Variants in CHAF1B observed in about 807,000 individuals in gnomAD.
CHAF1B encodes the protein chromatin assembly factor 1 subunit B.
Under a neutral mutation model 60.7 loss-of-function variants are expected in CHAF1B, and 10 were observed. The ratio of observed to expected loss-of-function variants is 0.16; its 90% CI spans 0.10 to 0.28. The LOEUF is 0.28. Ranked by LOEUF, CHAF1B falls within the 10% of genes least tolerant of loss-of-function variation. The pLI, the probability that CHAF1B is intolerant of heterozygous loss-of-function variation, is 1.00. For synonymous variants in CHAF1B, 261 were observed against 266.1 expected (o/e 0.98, Z 0.19); for missense variants, 558 against 708.4 (o/e 0.79, Z 2.41).
At position 36,397,483 on chromosome 21, in the gene CHAF1B, C is replaced by A; in HGVS notation, c.550C>A (p.Gln184Lys). The A allele has an allele frequency of 6.4e-7, 1 of 1,558,044 alleles. No homozygotes were observed. Among genetic ancestry groups the A allele is most frequent in the Non-Finnish European group, 8.8e-7 (1 of 1,141,432 alleles). Residue 184 changes from glutamine (Q) to lysine (K), a missense_variant, in exon 6 of 14, where the codon CAA (glutamine) becomes AAA (lysine). By Grantham distance (53) the Gln-to-Lys change is moderately conservative (BLOSUM62 1). Transcript: ENST00000314103. ...VQGVTWDPLG[Q>K]YVATLSCDRV... Reference sequence around the variant, plus strand: ...AGGAGTAACCTGGGACCCTTTGGGTCAATATGTTGCTACTCTGAGCTGTGA... The same window carrying A: ...AGGAGTAACCTGGGACCCTTTGGGTAAATATGTTGCTACTCTGAGCTGTGA...
At position 36,416,917 on chromosome 21, in the gene CHAF1B, T is replaced by A. The variant is rs959361245; in HGVS notation, c.*551T>A. Reference sequence around the variant, plus strand: ...AAAAGATGGGTATCACCCATCATCTTCCCACCAGAAGTAACCCTCGTTAAT... The same window carrying A: ...AAAAGATGGGTATCACCCATCATCTACCCACCAGAAGTAACCCTCGTTAAT... On this transcript the variant is annotated 3_prime_UTR_variant, in exon 14 of 14. Coordinates refer to ENST00000314103, the MANE Select transcript of CHAF1B (RefSeq NM_005441.3). 6.6e-6 allele frequency: 1 copy of A among 152,200 alleles called. No individual in the cohort carries two copies. 9.4% of individuals were successfully genotyped at this position (152,200 alleles called of 1,614,324 possible). A position where few individuals can be genotyped will look rare whatever the true frequency, so the allele number is the denominator to read the frequency against.
intron 5 of CHAF1B, among the ~76,000 whole-genome samples, chr21:36,395,376 AAAAATT>A (rs1425360254): frequency 2.6e-5 from 4 of 152,320 alleles, no homozygotes; most frequent in Non-Finnish European, 5.9e-5. Flanking sequence ...AAGCAACACA[AAAAATT>A]GTTTTAGTGA....
intron 8 of CHAF1B, among the ~76,000 whole-genome samples, chr21:36,403,455 T>TAAAAAAAAA (rs71326686): frequency 1.3e-5 from 1 of 77,452 alleles, no homozygotes; most frequent in Non-Finnish European, 2.6e-5. Flanking sequence ...ATATCTTATC[T>TAAAAAAAAA]AAAAAAAAAA....
rs75728133 is a variant in CHAF1B at position 36,386,914 on chromosome 21, A to G, written c.126+652A>G. ...TTTTTAGTAGAGATGGGGTTTTACCATGTTGGCCAGGCTGGTCTCAAACTC... is the reference window on the plus strand; with the variant it reads ...TTTTTAGTAGAGATGGGGTTTTACCGTGTTGGCCAGGCTGGTCTCAAACTC... On this transcript the variant is annotated intron_variant, in intron 2 of 13. Transcript: ENST00000314103. Among the ~76,000 whole-genome samples, 12 of 152,214 alleles carry G rather than the reference A, an allele frequency of 7.9e-5. No homozygotes were observed. The South Asian group carries it at 1.2e-3, about 16-fold the overall frequency.
In CHAF1B at chr21:36,417,545, G is replaced by C. The variant is rs1263500851; in HGVS notation, c.*1179G>C. 6.6e-6 allele frequency: 1 copy of C among 152,122 alleles called. No homozygotes were observed. The highest frequency in any genetic ancestry group is 6.6e-5 in the Admixed American group (1 of 15,250). 9.4% of individuals were successfully genotyped at this position (152,122 alleles called of 1,614,324 possible). A position where few individuals can be genotyped will look rare whatever the true frequency, so the allele number is the denominator to read the frequency against. ...GGGTTTTGCCATGTTGGCCAAGCTGGTCTCTAACTCCTGACCTCAGATGAT... is the reference window on the plus strand; with the variant it reads ...GGGTTTTGCCATGTTGGCCAAGCTGCTCTCTAACTCCTGACCTCAGATGAT... On this transcript the variant is annotated 3_prime_UTR_variant, in exon 14 of 14. Transcript: ENST00000314103.
chr21:36,402,209 G>T (rs2086196751), intron 7 of CHAF1B, among the ~76,000 whole-genome samples: 1 of 152,182 alleles, frequency 6.6e-6, no homozygotes, highest in African/African-American at 2.4e-5. Context: ...GTCCCAGGAG[G>T]CTGAGACGGG....
intron 8 of CHAF1B, among the ~76,000 whole-genome samples, chr21:36,403,344 C>A (rs2086207466): frequency 6.6e-6 from 1 of 150,830 alleles, no homozygotes; most frequent in Non-Finnish European, 1.5e-5. Flanking sequence ...GTAATCCCAG[C>A]CACTTGGGAG....
intron 10 of CHAF1B, among the ~76,000 whole-genome samples, chr21:36,409,917 G>A (rs1174154188): frequency 6.7e-6 from 1 of 150,104 alleles, no homozygotes; most frequent in Non-Finnish European, 1.5e-5. Flanking sequence ...TAAAAGGAAT[G>A]GACGTACTCC....
Position 36,401,346 on chromosome 21 carries a change from A to G in CHAF1B, c.664-1412A>G, listed in dbSNP as rs868333209. ...CTTTAATATGTTATATATTTATATT[A>G]TATATAATATATTTTTATATTATAC... On this transcript the variant is annotated intron_variant, in intron 7 of 13. Transcript: ENST00000314103. 5.6e-5 allele frequency among the ~76,000 whole-genome samples: 8 copies of G among 141,952 alleles called. No homozygotes were observed. In the South Asian group the frequency reaches 1.3e-3, roughly 23 times the overall value. 93.1% of individuals were successfully genotyped at this position (141,952 alleles called of 152,430 possible). A position where few individuals can be genotyped will look rare whatever the true frequency, so the allele number is the denominator to read the frequency against.
chr21:36,408,764 G>C lies in CHAF1B; in HGVS notation c.761G>C (p.Gly254Ala). The change falls in exon 9 of 14, where the codon GGA becomes GCA. Residue 254 changes from glycine (G) to alanine (A), a missense_variant. This residue lies in a region of CHAF1B where 325 missense variants were observed against 493.5 expected (regional missense o/e 0.66). Transcript: ENST00000314103. ...CCCTCCCTTCCCTGTTCCCCAGCTG[G>C]ATGTGTGGAATCTGGTGAAAATGTA... is the stretch of plus-strand genomic sequence containing the variant. ...PDGSLLLTPA[G>A]CVESGENVMN... The C allele has an allele frequency of 6.2e-7, 1 of 1,606,392 alleles. No homozygotes were observed. Among genetic ancestry groups the C allele is most frequent in the African/African-American group, 1.3e-5 (1 of 74,886 alleles).
rs2086324493 is a variant in CHAF1B at position 36,416,962 on chromosome 21, G to C, written c.*596G>C. On this transcript the variant is annotated 3_prime_UTR_variant, in exon 14 of 14. Coordinates refer to ENST00000314103, the MANE Select transcript of CHAF1B (RefSeq NM_005441.3). The stretch of plus-strand genomic sequence containing the variant: ...GTTAATGTTGTAGTATATTTCCTTA[G>C]CATTTTTGTGGATCTATTTATTCTA... 6.6e-6 allele frequency: 1 copy of C among 152,064 alleles called. No homozygotes were observed. Among genetic ancestry groups the C allele is most frequent in the Non-Finnish European group, 1.5e-5 (1 of 68,006 alleles). 9.4% of individuals were successfully genotyped at this position (152,064 alleles called of 1,614,324 possible). A position where few individuals can be genotyped will look rare whatever the true frequency, so the allele number is the denominator to read the frequency against.
chr21:36,412,057 TAA>T (rs2086282123), intron 11 of CHAF1B, among the ~76,000 whole-genome samples: 1 of 152,040 alleles, frequency 6.6e-6, no homozygotes, highest in African/African-American at 2.4e-5. Context: ...GAATCAACAT[TAA>T]AAGGAAAGCC....
At chr21:36,393,447 T>A (rs886486437) in intron 4 of CHAF1B, among the ~76,000 whole-genome samples, 1 of 114,864 alleles carries the variant, frequency 8.7e-6, no homozygotes, top group Non-Finnish European at 1.8e-5. Context: ...ACAGCTATCC[T>A]TTTTTTTTTT....
chr21:36,400,201 T>C (rs1231002621), intron 7 of CHAF1B, among the ~76,000 whole-genome samples: 3 of 150,656 alleles, frequency 2.0e-5, no homozygotes, highest in Non-Finnish European at 4.4e-5. Context: ...GAAATAAGGC[T>C]GGGCATGATG....
intron 11 of CHAF1B, 62 bp downstream of exon 11, chr21:36,411,666 C>A (rs529088259): frequency 2.5e-6 from 4 of 1,582,326 alleles, no homozygotes; most frequent in East Asian, 4.5e-5. Flanking sequence ...CTGGAAGACA[C>A]CCCGGGGTTA....
At position 36,417,946 on chromosome 21, in the gene CHAF1B, T is replaced by C. The variant is rs1367789995; in HGVS notation, c.*1580T>C. On this transcript the variant is annotated 3_prime_UTR_variant, in exon 14 of 14. Coordinates refer to ENST00000314103, the MANE Select transcript of CHAF1B (RefSeq NM_005441.3). ...GAGTAATTCTGATGCGCAGCCAAGA[T>C]TGAGAAATCTAAGGGAAAAAACTTT... 2.0e-5 allele frequency: 3 copies of C among 152,070 alleles called. No individual in the cohort carries two copies. Among genetic ancestry groups the C allele is most frequent in the South Asian group, 2.1e-4 (1 of 4,818 alleles). The allele number at this position is 152,070 out of a possible 1,614,324, so 9.4% of individuals were successfully genotyped here.
intron 7 of CHAF1B, 103 bp from the exon 8 acceptor site, chr21:36,402,655 G>T: frequency 1.2e-6 from 1 of 844,370 alleles, no homozygotes; most frequent in Non-Finnish European, 1.9e-6. Context: ...TATAGCAGTT[G>T]GGAAGCGTTT....
chr21:36,391,445 C>T, intron 3 of CHAF1B, 106 bp from the exon 4 acceptor site: 1 of 600,818 alleles, frequency 1.7e-6, no homozygotes, highest in Non-Finnish European at 2.8e-6. Flanking sequence ...GCCTGGGCGA[C>T]AGGGTGAGAC....
intron 9 of CHAF1B, 119 bp from the exon 10 acceptor site, chr21:36,409,255 C>T (rs911457603): frequency 1.5e-6 from 1 of 667,720 alleles, no homozygotes; most frequent in Non-Finnish European, 2.6e-6. Flanking sequence ...CCTGCCTCCT[C>T]CTCCCAAAGT....
Sources: allele counts gnomAD v4.1 joint callset (sites outside exome capture counted in the v4.1 genomes callset), GRCh38; gene constraint gnomAD v4.1.1; regional missense constraint gnomAD v4.1.1; transcripts MANE v1.5; gene names NCBI Gene and HGNC (gene_info 2026-07-23, HGNC 2026-07-21).